The following CAMK1D variants were observed in gnomAD, a reference collection of about 807,000 sequenced individuals.
The protein encoded by CAMK1D is calcium/calmodulin-dependent protein kinase type 1D.
In CAMK1D, 9 loss-of-function variants were observed where a neutral mutation model predicts 47.7. The ratio of observed to expected loss-of-function variants is 0.19; its 90% CI spans 0.11 to 0.33. The LOEUF is 0.33. CAMK1D is among the 10% of genes least tolerant of loss of function. The pLI, the probability that CAMK1D is intolerant of heterozygous loss-of-function variation, is 1.00. For synonymous variants in CAMK1D, 184 were observed against 184.9 expected (o/e 0.99, Z 0.04); for missense variants, 291 against 488.7 (o/e 0.60, Z 3.81).
chr10:12,514,284 A>G (rs1330836932), intron 1 of CAMK1D, among the ~76,000 whole-genome samples: 1 of 152,264 alleles, frequency 6.6e-6, no homozygotes, highest in African/African-American at 2.4e-5. Context: ...TATATTGCTT[A>G]TAATATCACA....
intron 2 of CAMK1D, among the ~76,000 whole-genome samples, chr10:12,585,181 T>C (rs1837779559): frequency 6.6e-6 from 1 of 152,176 alleles, no homozygotes; most frequent in African/African-American, 2.4e-5. Context: ...TAATTGGAGA[T>C]TGAAGCTGGT....
rs367919756 is a variant in CAMK1D, at chr10:12,732,670, G to GCCCCC, written c.300-28274_300-28270dup. On this transcript the variant is annotated intron_variant, in intron 3 of 10. Coordinates refer to ENST00000619168, the MANE Select transcript of CAMK1D (RefSeq NM_153498.4). ...GGGCCCCCATTATTCAATTACCCCC[G>GCCCCC]CCCCCCCCGCCCCCTGTCCCTCCCA... Among the ~76,000 whole-genome samples, 299 of 71,736 alleles carry GCCCCC rather than the reference G, an allele frequency of 4.2e-3. 5 individuals carry two copies. The highest frequency in any genetic ancestry group is 0.013 in the African/African-American group (288 of 22,312). 47.1% of individuals were successfully genotyped at this position (71,736 alleles called of 152,430 possible).
intron 2 of CAMK1D, among the ~76,000 whole-genome samples, chr10:12,626,512 C>T (rs1231500784): frequency 1.5e-5 from 2 of 137,698 alleles, no homozygotes; most frequent in African/African-American, 5.2e-5. Flanking sequence ...CTCATTCTGT[C>T]TCCTAGGCTG....
At chr10:12,558,310 T>C (rs1414291239) in intron 2 of CAMK1D, among the ~76,000 whole-genome samples, 1 of 152,194 alleles carries the variant, frequency 6.6e-6, no homozygotes, top group Non-Finnish European at 1.5e-5. Context: ...AGCCAGCACT[T>C]TGGGAGGCTG....
chr10:12,564,347 C>T (rs545305247), intron 2 of CAMK1D, among the ~76,000 whole-genome samples: 11 of 151,954 alleles, frequency 7.2e-5, no homozygotes, highest in South Asian at 6.2e-4. Flanking sequence ...ATGTTGTGTC[C>T]GTTCTGTCTT....
intron 2 of CAMK1D, among the ~76,000 whole-genome samples, chr10:12,610,577 TG>T (rs1838590729): frequency 6.6e-6 from 1 of 152,192 alleles, no homozygotes; most frequent in Non-Finnish European, 1.5e-5. Flanking sequence ...TAGAGCCTTG[TG>T]GGGTTTATCA....
intron 1 of CAMK1D, among the ~76,000 whole-genome samples, chr10:12,470,621 A>G (rs1396885596): frequency 1.3e-5 from 2 of 151,494 alleles, no homozygotes; most frequent in African/African-American, 4.9e-5. Flanking sequence ...GGTTCAAGCG[A>G]GTCTGCTGCC....
chr10:12,384,631 C>T (rs1352252670), intron 1 of CAMK1D, among the ~76,000 whole-genome samples: 1 of 151,956 alleles, frequency 6.6e-6, no homozygotes, highest in Admixed American at 6.6e-5. Flanking sequence ...ACTAGATATT[C>T]GTATATGAAA....
chr10:12,462,733 C>G (rs529250517), intron 1 of CAMK1D, among the ~76,000 whole-genome samples: 1 of 152,236 alleles, frequency 6.6e-6, no homozygotes, highest in South Asian at 2.1e-4. Flanking sequence ...GCTCTGTTTC[C>G]CAGGCTGGAG....
intron 3 of CAMK1D, among the ~76,000 whole-genome samples, chr10:12,668,379 A>G (rs1463788937): frequency 1.3e-5 from 2 of 152,228 alleles, no homozygotes; most frequent in Non-Finnish European, 2.9e-5. Context: ...ATCTAAAGCT[A>G]TATGGATCTA....
At chr10:12,524,350 C>T (rs534431235) in intron 1 of CAMK1D, among the ~76,000 whole-genome samples, 1 of 152,270 alleles carries the variant, frequency 6.6e-6, no homozygotes, top group South Asian at 2.1e-4. Context: ...AGTCCTATAA[C>T]CAAATAGACT....
intron 2 of CAMK1D, among the ~76,000 whole-genome samples, chr10:12,591,056 C>A (rs1837979577): frequency 6.6e-6 from 1 of 152,160 alleles, no homozygotes; most frequent in Non-Finnish European, 1.5e-5. Context: ...TCATTCATTT[C>A]TTTGTTTTTC....
At chr10:12,384,562 T>C (rs114865431) in intron 1 of CAMK1D, among the ~76,000 whole-genome samples, 169 of 152,332 alleles carry the variant, frequency 1.1e-3, no homozygotes, top group African/African-American at 3.9e-3. Flanking sequence ...GACTGTCTTA[T>C]TGGTTAAGAT....
chr10:12,427,700 G>GTTTTTTTTGTT (rs1840285327), intron 1 of CAMK1D, among the ~76,000 whole-genome samples: 1 of 31,030 alleles, frequency 3.2e-5, no homozygotes, highest in African/African-American at 1.1e-4. Context: ...TGAACTTACT[G>GTTTTTTTTGTT]TTTTTTTTTT....
At chr10:12,609,768 C>G (rs1838568817) in intron 2 of CAMK1D, among the ~76,000 whole-genome samples, 2 of 152,124 alleles carry the variant, frequency 1.3e-5, no homozygotes, top group Admixed American at 1.3e-4. Context: ...CAGACTGGTA[C>G]CAGTGCATGG....
chr10:12,753,593 T>C (rs1026339846), intron 3 of CAMK1D, among the ~76,000 whole-genome samples: 3 of 152,230 alleles, frequency 2.0e-5, no homozygotes, highest in African/African-American at 7.2e-5. Context: ...TAGAACGGGC[T>C]GCCTCACCCT....
chr10:12,705,729 A>T (rs1833706062), intron 3 of CAMK1D, among the ~76,000 whole-genome samples: 2 of 152,202 alleles, frequency 1.3e-5, no homozygotes, highest in African/African-American at 4.8e-5. Flanking sequence ...CCTTCTTGCC[A>T]AGGGCTGAGA....
At chr10:12,824,871 A>G (rs907653107) in intron 9 of CAMK1D, among the ~76,000 whole-genome samples, 7 of 152,158 alleles carry the variant, frequency 4.6e-5, no homozygotes, top group Admixed American at 2.0e-4. Context: ...ATGGAGGGGG[A>G]AAAAACAGGA....
chr10:12,531,653 C>T (rs1315289107), intron 1 of CAMK1D, among the ~76,000 whole-genome samples: 2 of 152,336 alleles, frequency 1.3e-5, no homozygotes, highest in African/African-American at 2.4e-5. Context: ...CTCACTCCTT[C>T]GAGGCCTAAC....
Sources: gnomAD v4.1 joint callset for allele counts (sites outside exome capture counted in the v4.1 genomes callset) on GRCh38, gnomAD v4.1.1 for gene constraint, MANE v1.5 for transcripts, NCBI Gene and HGNC (gene_info 2026-07-23, HGNC 2026-07-21) for gene names.